MUC17: variants seen among roughly 807,000 people sequenced by gnomAD.
The protein encoded by MUC17 is mucin 17, cell surface associated.
In MUC17, 190 loss-of-function variants were observed where a neutral mutation model predicts 170.3. The ratio of observed to expected loss-of-function variants is 1.12; its 90% CI spans 0.99 to 1.26. MUC17 has a LOEUF of 1.26. Ranked by LOEUF, MUC17 falls within the 50% of genes most tolerant of loss-of-function variation. The pLI is 0.00. For missense variants in MUC17, 6,415 were observed against 5,530.0 expected, an observed-to-expected ratio of 1.16 and a Z score of -5.08; for synonymous variants, 2,325 against 2,002.5, an observed-to-expected ratio of 1.16 and a Z score of -4.30.
At position 101,053,023 on chromosome 7, in the gene MUC17, A is replaced by G. The variant is rs2116480164; in HGVS notation, c.13141A>G (p.Thr4381Ala). The G allele has an allele frequency of 6.2e-7, 1 of 1,614,058 alleles. No homozygotes were observed. The change falls in exon 10 of 13, where the codon ACC becomes GCC. Residue 4381 changes from threonine (T) to alanine (A), a missense_variant. By Grantham distance (58) the Thr-to-Ala change is moderately conservative. Transcript: ENST00000306151. ...GGAAACTCACTGGTACAGTGGGGAG[A>G]CCTGTAACCAGGGCACCCAGAAGAG... ...TTETHWYSGE[T>A]CNQGTQKSLV... is the part of the protein sequence containing the mutation.
At chr7:101,020,507 C>T (rs1794053649) in intron 1 of MUC17, among the ~76,000 whole-genome samples, 1 of 152,078 alleles carries the variant, frequency 6.6e-6, no homozygotes, top group Admixed American at 6.6e-5. Context: ...ACCTGCTTTT[C>T]AGGGCAGCTG....
chr7:101,034,436 C>T lies in MUC17; in HGVS notation c.3020C>T (p.Pro1007Leu). ...GAGGCTAGCACCCTTTCAACAACTCCTGTTGACTCCAACACTCCTTTGACC... is the reference window on the plus strand; with the variant it reads ...GAGGCTAGCACCCTTTCAACAACTCTTGTTGACTCCAACACTCCTTTGACC... ...NSEASTLSTT[P>L]VDSNTPLTTS... Residue 1007 changes from proline (P) to leucine (L), a missense_variant, in exon 3 of 13, where the codon CCT becomes CTT. By Grantham distance (98) the Pro-to-Leu change is moderately conservative. Transcript: ENST00000306151. 1.2e-6 allele frequency: 2 copies of T among 1,608,432 alleles called. No homozygotes were observed. Among genetic ancestry groups the T allele is most frequent in the Non-Finnish European group, 1.7e-6 (2 of 1,177,078 alleles).
In MUC17 at chr7:101,041,758, T is replaced by C; in HGVS notation, c.10342T>C (p.Leu3448=). The C allele has an allele frequency of 2.5e-6, 4 of 1,601,410 alleles. No homozygotes were observed. The highest frequency in any genetic ancestry group is 1.1e-5 in the South Asian group (1 of 90,506). ...SSPTIAEGTS[L]PTSTTSEGST... Reference sequence around the variant, plus strand: ...TCCTACAATCGCTGAAGGTACCAGCTTGCCAACCTCAACTACTAGTGAAGG... The same window carrying C: ...TCCTACAATCGCTGAAGGTACCAGCCTGCCAACCTCAACTACTAGTGAAGG... The change falls in exon 3 of 13, where the codon TTG becomes CTG. Residue 3448 remains leucine (L), a synonymous_variant. Coordinates refer to ENST00000306151, the MANE Select transcript of MUC17 (RefSeq NM_001040105.2).
In MUC17 at chr7:101,043,364, C is replaced by G; in HGVS notation, c.11948C>G (p.Thr3983Arg). The change falls in exon 3 of 13, where the codon ACA becomes AGA. Residue 3983 changes from threonine (T) to arginine (R), a missense_variant. Coordinates refer to ENST00000306151, the MANE Select transcript of MUC17 (RefSeq NM_001040105.2). ...TCAACCTCCAGTAGTAGTACCACCA[C>G]ATCTTTTTCAACTACTAAGGAATTT... ...TPSTSSSSTTTSFSTTKEFTT... is the reference protein window; with the variant it reads ...TPSTSSSSTTRSFSTTKEFTT... 3 of 1,614,202 alleles carry G rather than the reference C, an allele frequency of 1.9e-6. No homozygotes were observed. Among genetic ancestry groups the G allele is most frequent in the Non-Finnish European group, 2.5e-6 (3 of 1,180,050 alleles).
chr7:101,038,200 A>G lies in MUC17; in HGVS notation c.6784A>G (p.Thr2262Ala), dbSNP rs1306515279. The G allele has an allele frequency of 6.2e-6, 10 of 1,613,766 alleles. No homozygotes were observed. Among genetic ancestry groups the G allele is most frequent in the Non-Finnish European group, 7.6e-6 (9 of 1,179,980 alleles). The change falls in exon 3 of 13, where the codon ACA (threonine) becomes GCA (alanine). Residue 2262 changes from threonine to alanine, a missense_variant. Thr to Ala is a moderately conservative substitution (Grantham distance 58, BLOSUM62 0). Transcript: ENST00000306151. The part of the protein sequence containing the change: ...TTSTEATSSP[T>A]TAEGTSIPTS... Reference sequence around the variant, plus strand: ...TTCTACTGAAGCCACTTCATCTCCTACAACTGCTGAAGGTACCAGCATACC... The same window carrying G: ...TTCTACTGAAGCCACTTCATCTCCTGCAACTGCTGAAGGTACCAGCATACC...
intron 6 of MUC17, 147 bp downstream of exon 6, chr7:101,049,529 A>C: frequency 1.7e-6 from 2 of 1,142,922 alleles, no homozygotes; most frequent in Non-Finnish European, 2.4e-6. Context: ...AACAACAGAA[A>C]TCTATTTCTC....
chr7:101,049,358 TCG>T lies in MUC17; in HGVS notation c.12699_12700del (p.Val4235GlufsTer15). 6.2e-7 allele frequency: 1 copy of T among 1,613,616 alleles called. No homozygotes were observed. The highest frequency in any genetic ancestry group is 8.5e-7 in the Non-Finnish European group (1 of 1,179,790). ...GTGTATTCCGGGATCCCTGAGTATG[TCG>T]GGGTGAACATCACAAAGCTACGGTA... On this transcript the variant is annotated frameshift_variant, in exon 6 of 13. Transcript: ENST00000306151. LOFTEE classifies it high-confidence loss of function.
In MUC17 at chr7:101,036,856, C is replaced by T. The variant is rs73712042; in HGVS notation, c.5440C>T (p.Pro1814Ser). The change falls in exon 3 of 13, where the codon CCT becomes TCT. Residue 1814 changes from proline to serine, a missense_variant. Coordinates refer to ENST00000306151, the MANE Select transcript of MUC17 (RefSeq NM_001040105.2). ...AGGAATGACTCCATTAACAAGCACA[C>T]CTGTCAGCCACACGCTGGTGGCCAA... is the stretch of plus-strand genomic sequence containing the variant. ...SEGMTPLTST[P>S]VSHTLVANSE... 4,149 of 1,605,922 alleles carry T rather than the reference C, an allele frequency of 2.6e-3. 84 individuals are homozygous for T. In the African/African-American group the frequency reaches 0.045, roughly 17 times the overall value.
Position 101,037,891 on chromosome 7 carries a change from A to C in MUC17, c.6475A>C (p.Arg2159=). 1 of 1,612,600 alleles carries C rather than the reference A, an allele frequency of 6.2e-7. No homozygotes were observed. The highest frequency in any genetic ancestry group is 8.5e-7 in the Non-Finnish European group (1 of 1,179,254). The change falls in exon 3 of 13, where the codon AGA becomes CGA. Residue 2159 remains arginine (R), a synonymous_variant. Transcript: ENST00000306151. ...TSMQTSTYSD[R]RTPLTSMPVS... ...CATGCAAACCTCAACTTATAGTGAC[A>C]GAAGAACTCCTTTAACAAGTATGCC...
chr7:101,038,825 G>T lies in MUC17; in HGVS notation c.7409G>T (p.Ser2470Ile). The T allele has an allele frequency of 6.2e-7, 1 of 1,612,728 alleles. No individual in the cohort carries two copies. Among genetic ancestry groups the T allele is most frequent in the African/African-American group, 1.3e-5 (1 of 74,946 alleles). Reference sequence around the variant, plus strand: ...CCTGTCAGCACCACGCCGGTGGTCAGTTCTGAGGCTGGCACCCTTTCCACA... The same window carrying T: ...CCTGTCAGCACCACGCCGGTGGTCATTTCTGAGGCTGGCACCCTTTCCACA... Reference protein sequence around the residue: ...SMPVSTTPVVSSEAGTLSTTP... With the variant: ...SMPVSTTPVVISEAGTLSTTP... The change falls in exon 3 of 13, where the codon AGT becomes ATT. Residue 2470 changes from serine to isoleucine, a missense_variant. By Grantham distance (142) the Ser-to-Ile change is moderately radical. Transcript: ENST00000306151.
Position 101,040,281 on chromosome 7 carries a change from C to G in MUC17, c.8865C>G (p.Thr2955=). 6.2e-7 allele frequency: 1 copy of G among 1,610,812 alleles called. No individual in the cohort carries two copies. The highest frequency in any genetic ancestry group is 8.5e-7 in the Non-Finnish European group (1 of 1,178,446). Residue 2955 remains threonine (T), a synonymous_variant, in exon 3 of 13, where the codon ACC becomes ACG. Transcript: ENST00000306151. ...ASTLSTTPVD[T]RTPVTTSAEA... is the part of the protein sequence containing the mutation. ...CCCTTTCAACAACTCCTGTTGACAC[C>G]AGGACACCTGTCACCACTTCTGCTG... is the stretch of plus-strand genomic sequence containing the variant.
In MUC17 at chr7:101,028,953, C is replaced by T. The variant is rs531029739; in HGVS notation, c.83-2167C>T. On this transcript the variant is annotated intron_variant, in intron 1 of 12. Transcript: ENST00000306151. ...CTGTAAACCCAGCATTTTGGGAGGC[C>T]GAAGCCAGCAGATCACCTGAGGTCG... 2.6e-5 allele frequency among the ~76,000 whole-genome samples: 4 copies of T among 151,800 alleles called. No homozygotes were observed. In the East Asian group the frequency reaches 5.8e-4, roughly 22 times the overall value.
chr7:101,025,013 C>T, intron 1 of MUC17, among the ~76,000 whole-genome samples: 1 of 151,442 alleles, frequency 6.6e-6, no homozygotes, highest in Non-Finnish European at 1.5e-5. Context: ...AGACGGAGAC[C>T]ACGTCTCTAA....
Position 101,039,990 on chromosome 7 carries a change from C to T in MUC17, c.8574C>T (p.Val2858=), listed in dbSNP as rs762167291. 2 of 1,613,320 alleles carry T rather than the reference C, an allele frequency of 1.2e-6. No homozygotes were observed. Among genetic ancestry groups the T allele is most frequent in the Non-Finnish European group, 1.7e-6 (2 of 1,179,786 alleles). The change falls in exon 3 of 13, where the codon GTC becomes GTT. Residue 2858 remains valine, a synonymous_variant. Transcript: ENST00000306151. ...SSSPTTAEGI[V]VPISTASEGS... is the part of the protein sequence containing the mutation. The stretch of plus-strand genomic sequence containing the variant: ...CTCCTACAACTGCTGAAGGTATCGT[C>T]GTGCCAATCTCAACTGCTAGTGAAG...
intron 7 of MUC17, among the ~76,000 whole-genome samples, chr7:101,051,213 A>C (rs1260879394): frequency 1.3e-5 from 2 of 151,772 alleles, no homozygotes; most frequent in African/African-American, 4.8e-5. Flanking sequence ...TGAAAATACA[A>C]AATTAGCCAG....
rs1584871484 is a variant in MUC17, at chr7:101,042,118, A to G, written c.10702A>G (p.Met3568Val). Residue 3568 changes from methionine to valine, a missense_variant, in exon 3 of 13, where the codon ATG (methionine) becomes GTG (valine). Coordinates refer to ENST00000306151, the MANE Select transcript of MUC17 (RefSeq NM_001040105.2). ...AACTCTTCAGGTCACCACTATGCGT[A>G]TGTCTACTCCAAGTGAAGGAAGCTC... ...PATLQVTTMR[M>V]STPSEGSSSL... The G allele has an allele frequency of 6.2e-7, 1 of 1,614,194 alleles. No individual in the cohort carries two copies. Among genetic ancestry groups the G allele is most frequent in the Non-Finnish European group, 8.5e-7 (1 of 1,180,030 alleles).
intron 1 of MUC17, among the ~76,000 whole-genome samples, chr7:101,029,754 G>A (rs1459728944): frequency 2.0e-5 from 3 of 151,774 alleles, no homozygotes; most frequent in East Asian, 2.0e-4. Flanking sequence ...GCACGCCGCC[G>A]CACCCGGCTA....
intron 1 of MUC17, among the ~76,000 whole-genome samples, chr7:101,026,987 A>G (rs1450474995): frequency 6.6e-6 from 1 of 152,064 alleles, no homozygotes; most frequent in African/African-American, 2.4e-5. Flanking sequence ...AAGTGCTGGG[A>G]TTACAGGTGT....
In MUC17 at chr7:101,039,483, A is replaced by G. The variant is rs1794612795; in HGVS notation, c.8067A>G (p.Glu2689=). The G allele has an allele frequency of 6.2e-7, 1 of 1,610,408 alleles. No individual in the cohort carries two copies. The highest frequency in any genetic ancestry group is 8.5e-7 in the Non-Finnish European group (1 of 1,178,658). The change falls in exon 3 of 13, where the codon GAA becomes GAG. Residue 2689 remains glutamate (E), a synonymous_variant. Transcript: ENST00000306151. The part of the protein sequence containing the change: ...GSSMPTSTPG[E]RSTPLTNILV... ...GCATGCCAACCTCAACTCCTGGTGA[A>G]AGAAGCACTCCATTAACAAATATAC...
Sources: allele counts gnomAD v4.1 joint callset (sites outside exome capture counted in the v4.1 genomes callset), GRCh38; gene constraint gnomAD v4.1.1; transcripts MANE v1.5; gene names NCBI Gene and HGNC (gene_info 2026-07-23, HGNC 2026-07-21).